AFG2A: variants seen among roughly 807,000 people sequenced by gnomAD.
The protein encoded by AFG2A is ATPase family gene 2 protein homolog A.
the AFG2A span, among the ~76,000 whole-genome samples, chr4:122,986,869 T>G: frequency 6.6e-6 from 1 of 152,246 alleles, no homozygotes. Context: ...GTCTGCTGTT[T>G]CCTTATTGAT....
At chr4:123,177,317 C>T in the AFG2A span, among the ~76,000 whole-genome samples, 2 of 151,802 alleles carry the variant, frequency 1.3e-5, no homozygotes, top group African/African-American at 4.8e-5. Context: ...CTCAGCCTCC[C>T]GAGTAGCTGG....
the AFG2A span, among the ~76,000 whole-genome samples, chr4:122,984,833 G>T: frequency 6.6e-6 from 1 of 152,292 alleles, no homozygotes; most frequent in African/African-American, 2.4e-5. Flanking sequence ...TTTTTAGTAT[G>T]TTGTTGGATT....
chr4:123,090,439 A>C, the AFG2A span: 2 of 898,230 alleles, frequency 2.2e-6, no homozygotes, highest in Non-Finnish European at 3.2e-6. Flanking sequence ...AATGCAGTAA[A>C]TAAAGTCTCA....
At chr4:123,117,195 G>C in the AFG2A span, among the ~76,000 whole-genome samples, 2 of 152,084 alleles carry the variant, frequency 1.3e-5, no homozygotes, top group East Asian at 3.9e-4. Flanking sequence ...TTCAGTCTTT[G>C]ATTGCTGAAC....
chr4:123,222,817 C>T, the AFG2A span, among the ~76,000 whole-genome samples: 1 of 152,172 alleles, frequency 6.6e-6, no homozygotes, highest in African/African-American at 2.4e-5. Context: ...GTTTATATTA[C>T]TTAGCATAAT....
chr4:123,038,228 A>AT, the AFG2A span, among the ~76,000 whole-genome samples: 11 of 151,984 alleles, frequency 7.2e-5, no homozygotes, highest in Non-Finnish European at 1.5e-4. Context: ...TGCACTTAAT[A>AT]TTTTTTTCTG....
chr4:123,192,599 C>G, the AFG2A span, among the ~76,000 whole-genome samples: 1,634 of 152,290 alleles, frequency 0.011, 29 homozygotes, highest in African/African-American at 0.037. Flanking sequence ...ACTACTCTAT[C>G]GAATAATGCA....
chr4:122,982,502 T>A, the AFG2A span, among the ~76,000 whole-genome samples: 2 of 152,204 alleles, frequency 1.3e-5, no homozygotes, highest in Non-Finnish European at 2.9e-5. Context: ...GCTGGCCTCA[T>A]AAAGTGAGTT....
chr4:123,115,911 A>AAAT, the AFG2A span, among the ~76,000 whole-genome samples: 1 of 152,186 alleles, frequency 6.6e-6, no homozygotes, highest in East Asian at 1.9e-4. Context: ...TTTTTAAAAA[A>AAAT]TTTTTTGAGA....
At chr4:123,176,125 T>C in the AFG2A span, among the ~76,000 whole-genome samples, 1 of 152,262 alleles carries the variant, frequency 6.6e-6, no homozygotes, top group East Asian at 1.9e-4. Context: ...AAGCTAATGG[T>C]GTAATTGGTA....
the AFG2A span, chr4:122,928,965 AG>A: frequency 6.5e-7 from 1 of 1,526,926 alleles, no homozygotes; most frequent in Non-Finnish European, 8.8e-7. Flanking sequence ...GACTGTGCTT[AG>A]CATTCTACCT....
At chr4:122,949,572 G>A in the AFG2A span, among the ~76,000 whole-genome samples, 3 of 152,138 alleles carry the variant, frequency 2.0e-5, no homozygotes, top group African/African-American at 4.8e-5. Context: ...AGAGGTTTGC[G>A]GCACACCATC....
At chr4:122,938,855 A>G in the AFG2A span, among the ~76,000 whole-genome samples, 20 of 152,134 alleles carry the variant, frequency 1.3e-4, no homozygotes, top group East Asian at 3.9e-3. Context: ...TTGGCCTTCC[A>G]AAGTGCTGGG....
At chr4:123,100,701 C>A in the AFG2A span, among the ~76,000 whole-genome samples, 1 of 151,840 alleles carries the variant, frequency 6.6e-6, no homozygotes, top group African/African-American at 2.4e-5. Context: ...TGAATAAAGT[C>A]ATCAGGAACA....
chr4:123,117,153 C>T, the AFG2A span, among the ~76,000 whole-genome samples: 1 of 151,936 alleles, frequency 6.6e-6, no homozygotes. Flanking sequence ...TTTGTATTGA[C>T]ACTAAACTGT....
At chr4:123,043,732 A>G in the AFG2A span, among the ~76,000 whole-genome samples, 4 of 152,348 alleles carry the variant, frequency 2.6e-5, no homozygotes, top group East Asian at 7.7e-4. Flanking sequence ...GGATTGTAAG[A>G]TAAATGCCTA....
the AFG2A span, among the ~76,000 whole-genome samples, chr4:122,986,913 G>T: frequency 6.6e-6 from 1 of 152,082 alleles, no homozygotes; most frequent in Admixed American, 6.6e-5. Context: ...TGTTGAAAGT[G>T]GGTTATTGAA....
chr4:123,033,250 G>A, the AFG2A span, among the ~76,000 whole-genome samples: 1 of 152,154 alleles, frequency 6.6e-6, no homozygotes, highest in Non-Finnish European at 1.5e-5. Flanking sequence ...GGTCTAAGTG[G>A]TAGTGATGGC....
the AFG2A span, among the ~76,000 whole-genome samples, chr4:122,985,216 C>T: frequency 6.6e-6 from 1 of 151,038 alleles, no homozygotes; most frequent in Non-Finnish European, 1.5e-5. Context: ...ACCTCTGCCT[C>T]TCAGATTCAA....
Sources: allele counts gnomAD v4.1 joint callset (sites outside exome capture counted in the v4.1 genomes callset), GRCh38; gene constraint gnomAD v4.1.1; transcripts MANE v1.5; gene names NCBI Gene and HGNC (gene_info 2026-07-23, HGNC 2026-07-21).